The following RTN4 variants were observed in gnomAD, a reference collection of about 807,000 sequenced individuals.
RTN4 encodes the protein reticulon 4.
In RTN4, 32 loss-of-function variants were observed where a neutral mutation model predicts 90.4. The ratio of observed to expected loss-of-function variants is 0.35; its 90% CI spans 0.27 to 0.48. The LOEUF is 0.48. RTN4 is among the 20% of genes least tolerant of loss of function. The pLI, the probability that RTN4 is intolerant of heterozygous loss-of-function variation, is 0.99. For missense variants in RTN4, 1,706 were observed against 1,430.2 expected, an observed-to-expected ratio of 1.19 and a Z score of -3.11; for synonymous variants, 629 against 552.5, an observed-to-expected ratio of 1.14 and a Z score of -1.94.
intron 3 of RTN4, among the ~76,000 whole-genome samples, chr2:55,008,142 AACACAC>A (rs200633765): frequency 1.2e-4 from 17 of 145,030 alleles, no homozygotes; most frequent in South Asian, 2.2e-4. Flanking sequence ...TCGGCAAGCA[AACACAC>A]ACACACACAC....
At chr2:55,034,191 G>A (rs913180747) in intron 1 of RTN4, among the ~76,000 whole-genome samples, 15 of 152,162 alleles carry the variant, frequency 9.9e-5, no homozygotes, top group Admixed American at 4.6e-4. Context: ...AGAATTGGCT[G>A]TATTATTCAA....
chr2:55,026,154 T>C lies in RTN4; in HGVS notation c.1945A>G (p.Ile649Val), dbSNP rs556892619. Residue 649 changes from isoleucine to valine, a missense_variant, in exon 3 of 9, where the codon ATA (isoleucine) becomes GTA (valine). Physicochemically the swap from Ile to Val is conservative, Grantham distance 29. Transcript: ENST00000337526. ...GGGGGGTTTTCAGGCTCATGTTTTA[T>C]GCTTTCATAATTAACTGAAGAAGCT... is the stretch of plus-strand genomic sequence containing the variant. ...LEASSVNYES[I>V]KHEPENPPPY... is the part of the protein sequence containing the mutation. 1.2e-5 allele frequency: 19 copies of C among 1,613,552 alleles called. No individual in the cohort carries two copies. In the East Asian group the frequency reaches 2.9e-4, roughly 25 times the overall value.
chr2:55,088,515 C>A (rs941441685), intron 1 of RTN4, among the ~76,000 whole-genome samples: 1 of 152,142 alleles, frequency 6.6e-6, no homozygotes, highest in African/African-American at 2.4e-5. Context: ...ATACTGAATA[C>A]TTTGGAACAG....
Position 55,025,518 on chromosome 2 carries a change from C to G in RTN4, c.2581G>C (p.Asp861His), listed in dbSNP as rs1199522689. The change falls in exon 3 of 9, where the codon GAT (aspartate) becomes CAT (histidine). Residue 861 changes from aspartate to histidine, a missense_variant. Asp to His is a moderately conservative substitution (Grantham distance 81, BLOSUM62 -1). Transcript: ENST00000337526. ...AQIRETETFS[D>H]SSPIEIIDEF... ...TCTATAATTTCAATTGGAGATGAATCTGAAAACGTTTCAGTTTCTCTTATC... is the reference window on the plus strand; with the variant it reads ...TCTATAATTTCAATTGGAGATGAATGTGAAAACGTTTCAGTTTCTCTTATC... 5.0e-6 allele frequency: 8 copies of G among 1,613,688 alleles called. No individual in the cohort carries two copies. Among genetic ancestry groups the G allele is most frequent in the Non-Finnish European group, 6.8e-6 (8 of 1,179,762 alleles).
At chr2:54,989,604 C>G (rs536227816) in intron 3 of RTN4, among the ~76,000 whole-genome samples, 1 of 152,310 alleles carries the variant, frequency 6.6e-6, no homozygotes, top group Non-Finnish European at 1.5e-5. Flanking sequence ...TCAAGTAACT[C>G]AACCTAGCAG....
chr2:55,101,202 G>A (rs1323064043), intron 1 of RTN4, among the ~76,000 whole-genome samples: 1 of 151,632 alleles, frequency 6.6e-6, no homozygotes, highest in Admixed American at 6.6e-5. Context: ...TTGTTAATAG[G>A]GATTATCTCC....
intron 2 of RTN4, among the ~76,000 whole-genome samples, chr2:55,066,404 G>A (rs148820647): frequency 0.011 from 1,669 of 151,898 alleles, 21 homozygotes; most frequent in African/African-American, 0.038. Flanking sequence ...TATAAATTTA[G>A]CCTAATTTGG....
At chr2:55,061,142 T>G (rs1274667171) in intron 2 of RTN4, among the ~76,000 whole-genome samples, 1 of 150,578 alleles carries the variant, frequency 6.6e-6, no homozygotes, top group Non-Finnish European at 1.5e-5. Context: ...CTCGGTTCAC[T>G]GCAACCTCCG....
chr2:55,038,204 C>T (rs769992755), intron 1 of RTN4, among the ~76,000 whole-genome samples: 31 of 152,110 alleles, frequency 2.0e-4, no homozygotes, highest in Non-Finnish European at 1.5e-4. Flanking sequence ...AAAGTGTCTT[C>T]ACAATCCTGG....
At chr2:55,136,038 T>C in the RTN4 span, among the ~76,000 whole-genome samples, 1 of 152,118 alleles carries the variant, frequency 6.6e-6, no homozygotes, top group African/African-American at 2.4e-5. Context: ...AGGTGGTTGT[T>C]AAACTGTCTC....
At chr2:55,043,867 C>CA (rs1331061649) in intron 1 of RTN4, among the ~76,000 whole-genome samples, 1 of 151,122 alleles carries the variant, frequency 6.6e-6, no homozygotes, top group Non-Finnish European at 1.5e-5. Context: ...GCCTGGGCTA[C>CA]AGAGCAAGAC....
chr2:55,109,309 T>C (rs1046466168), intron 1 of RTN4, among the ~76,000 whole-genome samples: 4 of 152,124 alleles, frequency 2.6e-5, no homozygotes, highest in Non-Finnish European at 5.9e-5. Context: ...CAATAATTAA[T>C]AGATGCAAAG....
intron 3 of RTN4, among the ~76,000 whole-genome samples, chr2:55,023,100 C>T (rs952095310): frequency 6.6e-6 from 1 of 152,102 alleles, no homozygotes; most frequent in Admixed American, 6.6e-5. Flanking sequence ...TATTCACATC[C>T]TTCAACTTAG....
chr2:55,010,020 C>A, intron 3 of RTN4: 1 of 1,546,804 alleles, frequency 6.5e-7, no homozygotes, highest in Non-Finnish European at 8.9e-7. Context: ...AATTCCAAAG[C>A]TTATTCATAG....
At position 55,025,285 on chromosome 2, in the gene RTN4, A is replaced by G. The variant is rs1681744109; in HGVS notation, c.2814T>C (p.Phe938=). 3.7e-6 allele frequency: 6 copies of G among 1,613,770 alleles called. No homozygotes were observed. Among genetic ancestry groups the G allele is most frequent in the Non-Finnish European group, 5.1e-6 (6 of 1,179,882 alleles). The change falls in exon 3 of 9, where the codon TTT becomes TTC. Residue 938 remains phenylalanine (F), a synonymous_variant. Transcript: ENST00000337526. The part of the protein sequence containing the change: ...VEEKISFSDD[F]SKNGSATSKV... The stretch of plus-strand genomic sequence containing the variant: ...TTGATGTAGCAGACCCATTTTTAGA[A>G]AAGTCATCTGAGAAACTGATTTTCT...
the RTN4 span, among the ~76,000 whole-genome samples, chr2:55,133,922 G>T: frequency 1.3e-5 from 2 of 152,140 alleles, no homozygotes; most frequent in Non-Finnish European, 2.9e-5. Context: ...AGGGTGGAGA[G>T]TCCACAGGCA....
Position 55,025,747 on chromosome 2 carries a change from A to G in RTN4, c.2352T>C (p.Asn784=). 1 of 1,613,376 alleles carries G rather than the reference A, an allele frequency of 6.2e-7. No homozygotes were observed. Among genetic ancestry groups the G allele is most frequent in the African/African-American group, 1.3e-5 (1 of 74,944 alleles). Residue 784 remains asparagine, a synonymous_variant, in exon 3 of 9, where the codon AAT becomes AAC. Transcript: ENST00000337526. ...TSFESMIEYE[N]KEKLSALPPE... The stretch of plus-strand genomic sequence containing the variant: ...GTGGCAAAGCACTGAGTTTTTCCTT[A>G]TTTTCATATTCTATCATTGACTCAA...
intron 1 of RTN4, among the ~76,000 whole-genome samples, chr2:55,084,192 A>C (rs749298383): frequency 6.6e-6 from 1 of 152,134 alleles, no homozygotes; most frequent in Non-Finnish European, 1.5e-5. Context: ...GGTTGCTGAA[A>C]TCATGGAAGG....
intron 1 of RTN4, among the ~76,000 whole-genome samples, chr2:55,083,797 A>G (rs1668780126): frequency 6.6e-6 from 1 of 152,214 alleles, no homozygotes. Context: ...GTGTGAAATA[A>G]GAAGAAGCAT....
Sources: allele counts gnomAD v4.1 joint callset (sites outside exome capture counted in the v4.1 genomes callset), GRCh38; gene constraint gnomAD v4.1.1; transcripts MANE v1.5; gene names NCBI Gene and HGNC (gene_info 2026-07-23, HGNC 2026-07-21).